Variants in RHOC observed in about 807,000 individuals in gnomAD.
RHOC encodes rho-related GTP-binding protein RhoC.
A neutral mutation model predicts 19.5 loss-of-function variants in RHOC; 13 were observed. The ratio of observed to expected loss-of-function variants is 0.67; its 90% CI spans 0.43 to 1.06. The LOEUF (loss-of-function observed/expected upper bound fraction) is 1.06, where lower values mean the gene tolerates loss of function less well. Among genes scored for constraint, RHOC ranks in the 50% least tolerant of loss-of-function variants. RHOC has a pLI of 0.00. For synonymous variants in RHOC, 106 were observed against 97.3 expected, an observed-to-expected ratio of 1.09 and a Z score of -0.52; for missense variants, 173 against 256.9, an observed-to-expected ratio of 0.67 and a Z score of 2.23.
chr1:112,701,397 GC>G lies in RHOC; in HGVS notation c.*142del. The G allele has an allele frequency of 6.4e-7, 1 of 1,562,376 alleles. No homozygotes were observed. The highest frequency in any genetic ancestry group is 1.9e-5 in the Admixed American group (1 of 52,980). ...GGAGGGCCCGTGCCACCACCTCGGG[GC>G]TAGAAAACAATGCAGTCCTGGGCAG... On this transcript the variant is annotated 3_prime_UTR_variant, in exon 6 of 6. Transcript: ENST00000339083.
chr1:112,704,949 T>A, intron 2 of RHOC, 151 bp downstream of exon 2: 3 of 631,518 alleles, frequency 4.8e-6, no homozygotes, highest in East Asian at 2.8e-5. Context: ...CCGCATGCCC[T>A]GCCCACCCCT....
Position 112,705,179 on chromosome 1 carries a change from G to A in RHOC, c.-76-11C>T, listed in dbSNP as rs749467730. Reference sequence around the variant, plus strand: ...GAGATGAAGTCAAGGCTGTTGGGAAGGGGGAGGGGGCTAGAGTCTGGGCTG... The same window carrying A: ...GAGATGAAGTCAAGGCTGTTGGGAAAGGGGAGGGGGCTAGAGTCTGGGCTG... On this transcript the variant is annotated splice_polypyrimidine_tract_variant and intron_variant, in intron 1 of 5. Coordinates refer to ENST00000339083, the MANE Select transcript of RHOC (RefSeq NM_175744.5). The A allele has an allele frequency of 2.8e-6, 2 of 702,456 alleles. No homozygotes were observed. The allele number at this position is 702,456 out of a possible 1,614,324, so 43.5% of individuals were successfully genotyped here.
rs920121477 is a variant in RHOC at position 112,705,557 on chromosome 1, A to C, written c.-76-389T>G. ...ACACAGCCACACTCTTCCCACCACA[A>C]AACGGACTCTCTCTGATTCCCCAGA... On this transcript the variant is annotated intron_variant, in intron 1 of 5. Coordinates refer to ENST00000339083, the MANE Select transcript of RHOC (RefSeq NM_175744.5). 6 of 475,992 alleles carry C rather than the reference A, an allele frequency of 1.3e-5. No individual in the cohort carries two copies. In the East Asian group the frequency reaches 3.1e-4, roughly 25 times the overall value. 29.5% of individuals were successfully genotyped at this position (475,992 alleles called of 1,614,324 possible).
chr1:112,703,939 G>A (rs1223728404), intron 2 of RHOC, 133 bp from the exon 3 acceptor site: 9 of 748,338 alleles, frequency 1.2e-5, no homozygotes, highest in Admixed American at 2.9e-5. Context: ...GCATGTTCTG[G>A]CAAAACACCA....
chr1:112,702,004 C>A (rs1674658766), intron 5 of RHOC, among the ~76,000 whole-genome samples: 1 of 152,204 alleles, frequency 6.6e-6, no homozygotes, highest in Non-Finnish European at 1.5e-5. Flanking sequence ...TCCTCACTCT[C>A]TTCCAGTCAG....
chr1:112,702,914 CTG>C, intron 4 of RHOC, 83 bp downstream of exon 4: 1 of 1,437,826 alleles, frequency 7.0e-7, no homozygotes, highest in Non-Finnish European at 9.7e-7. Context: ...ACCCCCACCT[CTG>C]AAGATGACTG....
chr1:112,701,685 TC>T lies in RHOC; in HGVS notation c.436del (p.Asp146ThrfsTer75). 6.2e-7 allele frequency: 1 copy of T among 1,613,964 alleles called. No homozygotes were observed. The highest frequency in any genetic ancestry group is 2.2e-5 in the East Asian group (1 of 44,870). Reference protein sequence around the residue: ...QEPVRSEEGRDMANRISAFGY... With the variant: ...QEPVRSEEGRXMANRISAFGY... ...AAAGGCACTGATCCGGTTCGCCATG[TC>T]CCGGCCTTCCTCAGACCGAACGGGC... On this transcript the variant is annotated frameshift_variant, in exon 6 of 6. Transcript: ENST00000339083. LOFTEE classifies it high-confidence loss of function.
At chr1:112,706,499 CACACACACACACACACACACACACACACA>C (rs1674890237) in intron 1 of RHOC, among the ~76,000 whole-genome samples, 1 of 59,910 alleles carries the variant, frequency 1.7e-5, no homozygotes, top group Non-Finnish European at 3.5e-5. Flanking sequence ...CACACACACA[CACACACACACACACACACACACACACACA>C]CACACACACA....
chr1:112,706,387 AAGG>A (rs1462951273), intron 1 of RHOC: 1 of 151,256 alleles, frequency 6.6e-6, no homozygotes, highest in Non-Finnish European at 1.5e-5. Flanking sequence ...GAGTATGAAG[AAGG>A]AGGATTCTCA....
intron 1 of RHOC, chr1:112,705,589 G>A (rs1488713922): frequency 2.2e-6 from 1 of 464,272 alleles, no homozygotes; most frequent in Non-Finnish European, 4.3e-6. Flanking sequence ...CAGAAGACAA[G>A]CAAGAAGGCA....
At chr1:112,706,515 C>CACACAA (rs1674894937) in intron 1 of RHOC, among the ~76,000 whole-genome samples, 23 of 93,530 alleles carry the variant, frequency 2.5e-4, no homozygotes, top group African/African-American at 3.3e-4. Context: ...CACACACACA[C>CACACAA]ACACACACAC....
chr1:112,703,534 G>A, intron 3 of RHOC, 110 bp downstream of exon 3: 2 of 931,996 alleles, frequency 2.1e-6, no homozygotes, highest in Non-Finnish European at 3.4e-6. Context: ...GGTTCCAGCA[G>A]GGAGAATGAA....
chr1:112,706,007 G>T, intron 1 of RHOC: 1 of 250,988 alleles, frequency 4.0e-6, no homozygotes, highest in Non-Finnish European at 8.2e-6. Context: ...GCCCAGGCCA[G>T]GACACTAGGC....
chr1:112,706,462 CACCACACACACACACACA>C (rs1674868192), intron 1 of RHOC, among the ~76,000 whole-genome samples: 8 of 17,206 alleles, frequency 4.6e-4, no homozygotes, highest in East Asian at 1.6e-3. Context: ...CACACACACA[CACCACACACACACACACA>C]CACACACACA....
At position 112,701,191 on chromosome 1, in the gene RHOC, T is replaced by C. The variant is rs997971478; in HGVS notation, c.*349A>G. The stretch of plus-strand genomic sequence containing the variant: ...CAAATGCAGTGAGAGACAAGGCCCC[T>C]GCCGAAAACAACTCCAGGGGCCTGG... On this transcript the variant is annotated 3_prime_UTR_variant, in exon 6 of 6. Coordinates refer to ENST00000339083, the MANE Select transcript of RHOC (RefSeq NM_175744.5). 26 of 566,456 alleles carry C rather than the reference T, an allele frequency of 4.6e-5. No homozygotes were observed. The highest frequency in any genetic ancestry group is 7.1e-5 in the Non-Finnish European group (23 of 322,280). The allele number at this position is 566,456 out of a possible 1,614,324, so 35.1% of individuals were successfully genotyped here.
intron 1 of RHOC, among the ~76,000 whole-genome samples, chr1:112,706,501 CACACACA>C (rs1557780881): frequency 3.0e-4 from 18 of 59,556 alleles, no homozygotes; most frequent in African/African-American, 9.7e-4. Context: ...CACACACACA[CACACACA>C]CACACACACA....
In RHOC at chr1:112,703,124, C is replaced by T; in HGVS notation, c.157-5G>A. On this transcript the variant is annotated splice_polypyrimidine_tract_variant and splice_region_variant and intron_variant, in intron 3 of 5. Transcript: ENST00000339083. ...GTCCCACAGAGCCAGCTCCACCTGA[C>T]ACACAGGGCCAGTGAGTAGCTGGCC... 1 of 1,613,896 alleles carries T rather than the reference C, an allele frequency of 6.2e-7. No individual in the cohort carries two copies.
At chr1:112,705,906 C>G (rs1408243992) in intron 1 of RHOC, 1 of 338,466 alleles carries the variant, frequency 3.0e-6, no homozygotes, top group Non-Finnish European at 5.9e-6. Flanking sequence ...GACAGAAACC[C>G]GGGGTTGAGG....
At chr1:112,706,495 CACACACACA>C (rs1674888401) in intron 1 of RHOC, among the ~76,000 whole-genome samples, 3 of 36,730 alleles carry the variant, frequency 8.2e-5, no homozygotes, top group Non-Finnish European at 2.0e-4. Context: ...CACACACACA[CACACACACA>C]CACACACACA....
Sources: gnomAD v4.1 joint callset for allele counts (sites outside exome capture counted in the v4.1 genomes callset) on GRCh38, gnomAD v4.1.1 for gene constraint, MANE v1.5 for transcripts, NCBI Gene and HGNC (gene_info 2026-07-23, HGNC 2026-07-21) for gene names.